The following SBF2 variants were observed in gnomAD, a reference collection of about 807,000 sequenced individuals.
The protein encoded by SBF2 is SET binding factor 2, also known as myotubularin-related protein 13.
Under a neutral mutation model 225.2 loss-of-function variants are expected in SBF2, and 112 were observed. The observed-to-expected ratio is 0.50, with a 90% CI of 0.43 to 0.58. The LOEUF (loss-of-function observed/expected upper bound fraction) is 0.58. Ranked by LOEUF, SBF2 falls within the 20% of genes least tolerant of loss-of-function variation. The pLI, the probability that SBF2 is intolerant of heterozygous loss-of-function variation, is 0.00. For missense variants in SBF2, 1,996 were observed against 2,206.2 expected, an observed-to-expected ratio of 0.90 and a Z score of 1.91; for synonymous variants, 763 against 773.3, an observed-to-expected ratio of 0.99 and a Z score of 0.22.
chr11:9,856,315 G>C, intron 19 of SBF2, 143 bp downstream of exon 19: 1 of 1,025,656 alleles, frequency 9.7e-7, no homozygotes. Flanking sequence ...AAGAAAAGCT[G>C]AGCAAGTCCA....
chr11:9,858,456 G>T, intron 17 of SBF2, 60 bp from the exon 18 acceptor site: 1 of 1,506,190 alleles, frequency 6.6e-7, no homozygotes, highest in Non-Finnish European at 9.2e-7. Context: ...AGTTCATAAG[G>T]TCACAGGGGC....
At chr11:10,185,430 G>A (rs910559668) in intron 2 of SBF2, among the ~76,000 whole-genome samples, 17 of 152,060 alleles carry the variant, frequency 1.1e-4, no homozygotes, top group Admixed American at 5.9e-4. Context: ...GCTAACATTT[G>A]TTATTTTCTG....
chr11:10,179,126 T>C (rs1956610771), intron 2 of SBF2, among the ~76,000 whole-genome samples: 1 of 149,468 alleles, frequency 6.7e-6, no homozygotes, highest in Non-Finnish European at 1.5e-5. Flanking sequence ...TTCTCACTCA[T>C]AGGTGGGAAT....
chr11:9,847,122 TA>T, intron 22 of SBF2, 39 bp from the exon 23 acceptor site: 1 of 1,612,868 alleles, frequency 6.2e-7, no homozygotes. Flanking sequence ...AACAACACTT[TA>T]TAGCTCACTT....
At chr11:10,223,354 C>T (rs1392939414) in intron 1 of SBF2, among the ~76,000 whole-genome samples, 1 of 141,696 alleles carries the variant, frequency 7.1e-6, no homozygotes, top group Non-Finnish European at 1.5e-5. Context: ...TGAGAGCCTA[C>T]TGCTGACCAG....
intron 17 of SBF2, among the ~76,000 whole-genome samples, chr11:9,862,475 T>C (rs564583293): frequency 2.0e-5 from 3 of 152,368 alleles, no homozygotes; most frequent in Non-Finnish European, 4.4e-5. Context: ...GAAAGAGAAC[T>C]GTTCAGGGTC....
chr11:9,850,112 A>G lies in SBF2; in HGVS notation c.2717T>C (p.Leu906Pro), dbSNP rs1856816042. 1.2e-6 allele frequency: 2 copies of G among 1,614,192 alleles called. No individual in the cohort carries two copies. Among genetic ancestry groups the G allele is most frequent in the Non-Finnish European group, 1.7e-6 (2 of 1,180,024 alleles). ...TGCTGGCAGGAGCTGAGGGCCTCCA[A>G]GAAGACCTCCAGTAGCTTCTTCTCT... The part of the protein sequence containing the change: ...DGREEATGGL[L>P]GGPQLLPAEG... The change falls in exon 22 of 40, where the codon CTT (leucine) becomes CCT (proline). Residue 906 changes from leucine (L) to proline (P), a missense_variant. Coordinates refer to ENST00000256190, the MANE Select transcript of SBF2 (RefSeq NM_030962.4).
At chr11:10,058,895 T>C (rs2086326546) in intron 2 of SBF2, among the ~76,000 whole-genome samples, 1 of 152,200 alleles carries the variant, frequency 6.6e-6, no homozygotes, top group Non-Finnish European at 1.5e-5. Flanking sequence ...AAGAATTTCA[T>C]ATCCAGCCAA....
At chr11:10,111,491 A>G (rs1312215667) in intron 2 of SBF2, among the ~76,000 whole-genome samples, 2 of 152,252 alleles carry the variant, frequency 1.3e-5, no homozygotes, top group African/African-American at 4.8e-5. Context: ...TTAATGCATA[A>G]TTTTGGAGTG....
At position 9,926,053 on chromosome 11, in the gene SBF2, T is replaced by C. The variant is rs1368038169; in HGVS notation, c.1861-30042A>G. 5.3e-5 allele frequency among the ~76,000 whole-genome samples: 8 copies of C among 152,354 alleles called. No individual in the cohort carries two copies. In the South Asian group the frequency reaches 1.7e-3, roughly 32 times the overall value. ...AGTCAGACAGCCTCAAAGACTGATA[T>C]GTGGATCTTTCCCCTTTGATTTTGT... is the stretch of plus-strand genomic sequence containing the variant. On this transcript the variant is annotated intron_variant, in intron 16 of 39. Coordinates refer to ENST00000256190, the MANE Select transcript of SBF2 (RefSeq NM_030962.4).
intron 2 of SBF2, among the ~76,000 whole-genome samples, chr11:10,170,553 G>A (rs1956143425): frequency 1.3e-5 from 2 of 151,912 alleles, no homozygotes; most frequent in Non-Finnish European, 2.9e-5. Flanking sequence ...TTTGAAGTCA[G>A]ATAATGTAAT....
At chr11:9,962,832 G>A (rs1386070241) in intron 15 of SBF2, among the ~76,000 whole-genome samples, 1 of 152,134 alleles carries the variant, frequency 6.6e-6, no homozygotes, top group African/African-American at 2.4e-5. Context: ...TATCACTAAA[G>A]GTGGGTATAA....
rs186575280 is a variant in SBF2, at chr11:9,980,328, G to A, written c.1395+9169C>T. 3.3e-3 allele frequency among the ~76,000 whole-genome samples: 488 copies of A among 145,766 alleles called. 3 individuals carry two copies. The highest frequency in any genetic ancestry group is 4.2e-3 in the Non-Finnish European group (284 of 67,144). The stretch of plus-strand genomic sequence containing the variant: ...AAAAAAAAAAATTTGTAGAGATGGA[G>A]TCTCACTATATTACCCAGGCTGGTC... On this transcript the variant is annotated intron_variant, in intron 13 of 39. Coordinates refer to ENST00000256190, the MANE Select transcript of SBF2 (RefSeq NM_030962.4).
chr11:9,929,072 G>GA (rs1292357919), intron 16 of SBF2: 1 of 406,366 alleles, frequency 2.5e-6, no homozygotes, highest in Non-Finnish European at 4.7e-6. Context: ...AGGAAGATGA[G>GA]GAGTGTAGTG....
chr11:10,074,519 A>G (rs901581139), intron 2 of SBF2, among the ~76,000 whole-genome samples: 3 of 152,184 alleles, frequency 2.0e-5, no homozygotes, highest in African/African-American at 7.2e-5. Context: ...CATTCTGCAG[A>G]TTTTATTATC....
chr11:9,982,815 G>A (rs542936075), intron 13 of SBF2, among the ~76,000 whole-genome samples: 87 of 152,374 alleles, frequency 5.7e-4, no homozygotes, highest in African/African-American at 2.0e-3. Flanking sequence ...ACACACCGGA[G>A]AAGCTGAAGG....
At chr11:10,045,602 T>C (rs572449786) in intron 2 of SBF2, among the ~76,000 whole-genome samples, 1 of 152,238 alleles carries the variant, frequency 6.6e-6, no homozygotes, top group Non-Finnish European at 1.5e-5. Flanking sequence ...CCACGTTCAA[T>C]TGAGTTCAAA....
chr11:10,104,045 T>A (rs2403290), intron 2 of SBF2, among the ~76,000 whole-genome samples: 58,220 of 150,566 alleles, frequency 0.39, 12,096 homozygotes, highest in Non-Finnish European at 0.47. Context: ...ACTGCACCAC[T>A]GTACTCCATC....
intron 2 of SBF2, among the ~76,000 whole-genome samples, chr11:10,046,983 GAAGT>G (rs1949890512): frequency 6.6e-6 from 1 of 151,244 alleles, no homozygotes; most frequent in Non-Finnish European, 1.5e-5. Flanking sequence ...CTTTATGTCA[GAAGT>G]AAGTGGAATT....
Sources: gnomAD v4.1 joint callset for allele counts (sites outside exome capture counted in the v4.1 genomes callset) on GRCh38, gnomAD v4.1.1 for gene constraint, MANE v1.5 for transcripts, NCBI Gene and HGNC (gene_info 2026-07-23, HGNC 2026-07-21) for gene names.